Variants in MAP3K19 observed in about 807,000 individuals in gnomAD.
MAP3K19 encodes SPS1/STE20-related protein kinase YSK4.
MAP3K19 carries 91 observed loss-of-function variants against 114.4 expected under a neutral mutation model. That is an observed-to-expected ratio of 0.80 (90% CI 0.67 to 0.95). MAP3K19 has a LOEUF of 0.95. Ranked by LOEUF, MAP3K19 falls within the 40% of genes least tolerant of loss-of-function variation. MAP3K19 has a pLI of 0.00. For synonymous variants in MAP3K19, 518 were observed against 530.5 expected, an observed-to-expected ratio of 0.98 and a Z score of 0.32; for missense variants, 1,471 against 1,573.2, an observed-to-expected ratio of 0.94 and a Z score of 1.10.
At chr2:135,045,081 T>C (rs931011051) in intron 1 of MAP3K19, among the ~76,000 whole-genome samples, 6 of 152,206 alleles carry the variant, frequency 3.9e-5, no homozygotes, top group Admixed American at 6.5e-5. Context: ...TTGGACCTTA[T>C]TATGCACCCT....
At chr2:135,033,272 G>T (rs866456192) in intron 2 of MAP3K19, among the ~76,000 whole-genome samples, 2 of 120,162 alleles carry the variant, frequency 1.7e-5, no homozygotes, top group Non-Finnish European at 3.2e-5. Context: ...CCCAGACAGG[G>T]CGGCTGGCCG....
rs1254432980 is a variant in MAP3K19 at position 135,047,335 on chromosome 2, ATTCAGATTTT to A, written c.-584_-575del. ...AGGGATCCATTTAAAAACAGCATAG[ATTCAGATTTT>A]TTTTTCAGTGTTGTACAGCCCAAAT... On this transcript the variant is annotated 5_prime_UTR_variant, in exon 1 of 13. Transcript: ENST00000392915. 7 of 152,102 alleles carry A rather than the reference ATTCAGATTTT, an allele frequency of 4.6e-5. No individual in the cohort carries two copies. Among genetic ancestry groups the A allele is most frequent in the Admixed American group, 3.9e-4 (6 of 15,276 alleles). The allele number at this position is 152,102 out of a possible 1,614,324, so 9.4% of individuals were successfully genotyped here.
chr2:135,031,902 G>A (rs6737635), intron 2 of MAP3K19, among the ~76,000 whole-genome samples: 2 of 152,012 alleles, frequency 1.3e-5, no homozygotes, highest in African/African-American at 2.4e-5. Context: ...GTACTGCCAC[G>A]GCAGACCAGG....
intron 5 of MAP3K19, among the ~76,000 whole-genome samples, chr2:135,019,463 G>A (rs1687820516): frequency 1.3e-5 from 2 of 152,166 alleles, no homozygotes; most frequent in Admixed American, 1.3e-4. Context: ...GCCGAGGCAG[G>A]AGGATTGCTT....
intron 12 of MAP3K19, among the ~76,000 whole-genome samples, chr2:134,967,692 T>C (rs1683469013): frequency 6.6e-6 from 1 of 152,218 alleles, no homozygotes. Context: ...ATTATCACCT[T>C]GCCCTCCTAC....
intron 12 of MAP3K19, among the ~76,000 whole-genome samples, chr2:134,968,215 T>C (rs1286698700): frequency 6.6e-6 from 1 of 152,060 alleles, no homozygotes; most frequent in African/African-American, 2.4e-5. Context: ...GCAGAAGAAT[T>C]TTTCTTAGTA....
rs748365208 is a variant in MAP3K19 at position 135,005,475 on chromosome 2, ATCT to A, written c.192_194del (p.Glu64del). 53 of 1,614,076 alleles carry A rather than the reference ATCT, an allele frequency of 3.3e-5. No homozygotes were observed. Among genetic ancestry groups the A allele is most frequent in the Middle Eastern group, 3.3e-4 (2 of 6,058 alleles). The stretch of plus-strand genomic sequence containing the variant: ...GCCAGTCCTGTCTACCACCACTGGG[ATCT>A]TCTTCTTCATTAACCAGTGTGGAAT... On this transcript the variant is annotated inframe_deletion, in exon 6 of 13. Coordinates refer to ENST00000392915, the MANE Select transcript of MAP3K19 (RefSeq NM_025052.5).
chr2:134,993,390 C>A (rs569460823), intron 8 of MAP3K19, among the ~76,000 whole-genome samples: 184 of 152,364 alleles, frequency 1.2e-3, no homozygotes, highest in African/African-American at 4.3e-3. Context: ...TTGGACACAG[C>A]TGGCCATGGC....
In MAP3K19 at chr2:134,986,663, T is replaced by G. The variant is rs1685135808; in HGVS notation, c.2209A>C (p.Lys737Gln). The change falls in exon 10 of 13, where the codon AAA becomes CAA. Residue 737 changes from lysine (K) to glutamine (Q), a missense_variant. Physicochemically the swap from Lys to Gln is moderately conservative, Grantham distance 53. Transcript: ENST00000392915. ...CTCTTTTCTTTAGAAATTAAGACTTTGTGCTCTTGTTTAATGCCAAATGAA... is the reference window on the plus strand; with the variant it reads ...CTCTTTTCTTTAGAAATTAAGACTTGGTGCTCTTGTTTAATGCCAAATGAA... ...KTSFGIKQEHKVLISKEKSSK... is the reference protein window; with the variant it reads ...KTSFGIKQEHQVLISKEKSSK... 2 of 1,614,094 alleles carry G rather than the reference T, an allele frequency of 1.2e-6. No homozygotes were observed. Among genetic ancestry groups the G allele is most frequent in the Admixed American group, 3.3e-5 (2 of 60,008 alleles).
At chr2:135,016,272 G>A (rs1009092497) in intron 5 of MAP3K19, among the ~76,000 whole-genome samples, 5 of 152,110 alleles carry the variant, frequency 3.3e-5, no homozygotes, top group African/African-American at 1.2e-4. Context: ...ATATTGTTTT[G>A]TATATGACTA....
At chr2:135,017,682 G>C (rs1687669588) in intron 5 of MAP3K19, among the ~76,000 whole-genome samples, 1 of 152,140 alleles carries the variant, frequency 6.6e-6, no homozygotes, top group African/African-American at 2.4e-5. Flanking sequence ...TCTAATTCCT[G>C]GGCTTTTCCA....
chr2:134,992,743 C>T (rs1300781742), intron 8 of MAP3K19, among the ~76,000 whole-genome samples: 3 of 151,882 alleles, frequency 2.0e-5, no homozygotes, highest in Non-Finnish European at 4.4e-5. Flanking sequence ...GATCTCAGCT[C>T]GCTGCAACCT....
Position 134,980,925 on chromosome 2 carries a change from C to A in MAP3K19, c.3816G>T (p.Arg1272Ser). 11 of 1,614,238 alleles carry A rather than the reference C, an allele frequency of 6.8e-6. No individual in the cohort carries two copies. Among genetic ancestry groups the A allele is most frequent in the Non-Finnish European group, 9.3e-6 (11 of 1,180,044 alleles). Residue 1272 changes from arginine to serine, a missense_variant, in exon 12 of 13, where the codon AGG becomes AGT. Coordinates refer to ENST00000392915, the MANE Select transcript of MAP3K19 (RefSeq NM_025052.5). ...CTCCGATGTAAAACATGGCGGCCAT[C>A]CTGTCCATGGAAGCCAGTGGAGGCT... is the stretch of plus-strand genomic sequence containing the variant. ...TGKPPLASMD[R>S]MAAMFYIGAH... is the part of the protein sequence containing the mutation.
At chr2:134,994,807 T>C (rs558869902) in intron 8 of MAP3K19, among the ~76,000 whole-genome samples, 2 of 152,326 alleles carry the variant, frequency 1.3e-5, no homozygotes, top group African/African-American at 4.8e-5. Context: ...GAAACTCTTT[T>C]AGATACAAAT....
chr2:135,010,305 G>T (rs540300788), intron 5 of MAP3K19, among the ~76,000 whole-genome samples: 2 of 152,166 alleles, frequency 1.3e-5, no homozygotes, highest in Middle Eastern at 3.2e-3. Flanking sequence ...TACTTTGAAG[G>T]TGATGACGGA....
intron 12 of MAP3K19, among the ~76,000 whole-genome samples, chr2:134,968,639 G>A (rs373512433): frequency 0.14 from 20,507 of 147,872 alleles, 1,258 homozygotes; most frequent in Middle Eastern, 0.21. Context: ...CAGACGGGGC[G>A]GCCGGGCAGA....
chr2:134,996,364 T>C (rs894100582), intron 8 of MAP3K19, among the ~76,000 whole-genome samples: 2 of 151,654 alleles, frequency 1.3e-5, no homozygotes, highest in African/African-American at 4.8e-5. Context: ...TTATTATTAA[T>C]TAAAAGTGCA....
At chr2:135,037,648 C>A (rs1181425966) in intron 2 of MAP3K19, among the ~76,000 whole-genome samples, 2 of 152,120 alleles carry the variant, frequency 1.3e-5, no homozygotes, top group Non-Finnish European at 2.9e-5. Context: ...TTATTCCATG[C>A]AAACTTTTCA....
rs781407268 is a variant in MAP3K19, at chr2:134,991,584, C to T, written c.575-4G>A. 6.2e-7 allele frequency: 1 copy of T among 1,610,754 alleles called. No individual in the cohort carries two copies. The highest frequency in any genetic ancestry group is 1.7e-4 in the Middle Eastern group (1 of 5,978). ...TTCATATGAGAGGTCGAAAACTCTA[C>T]AACAAGAAAAACAATAACTGGATAT... On this transcript the variant is annotated splice_polypyrimidine_tract_variant and splice_region_variant and intron_variant, in intron 8 of 12. Transcript: ENST00000392915.
Sources: gnomAD v4.1 joint callset for allele counts (sites outside exome capture counted in the v4.1 genomes callset) on GRCh38, gnomAD v4.1.1 for gene constraint, MANE v1.5 for transcripts, NCBI Gene and HGNC (gene_info 2026-07-23, HGNC 2026-07-21) for gene names.